The following RBFOX1 variants were observed in gnomAD, a reference collection of about 807,000 sequenced individuals.
The protein encoded by RBFOX1 is RNA binding fox-1 homolog 1, also known as RNA binding protein fox-1 homolog 1.
RBFOX1 carries 8 observed loss-of-function variants against 57.7 expected under a neutral mutation model. The ratio of observed to expected loss-of-function variants is 0.14; its 90% CI spans 0.08 to 0.25. The LOEUF is 0.25. Ranked by LOEUF, RBFOX1 falls within the 10% of genes least tolerant of loss-of-function variation. The probability of loss-of-function intolerance (pLI) is 1.00; values close to 1 mark genes in which losing one functional copy is unlikely to be tolerated. For synonymous variants in RBFOX1, 326 were observed against 222.4 expected, an observed-to-expected ratio of 1.47 and a Z score of -4.15; for missense variants, 611 against 548.5, an observed-to-expected ratio of 1.11 and a Z score of -1.14.
intron 3 of RBFOX1, among the ~76,000 whole-genome samples, chr16:6,829,607 C>A (rs1349620801): frequency 6.6e-6 from 1 of 151,038 alleles, no homozygotes; most frequent in Non-Finnish European, 1.5e-5. Flanking sequence ...TTTCTTTTTT[C>A]TTTTGTTTTT....
At chr16:5,821,288 C>CTCTTT (rs2055846836) in intron 3 of RBFOX1, among the ~76,000 whole-genome samples, 1 of 125,450 alleles carries the variant, frequency 8.0e-6, no homozygotes, top group African/African-American at 3.1e-5. Context: ...GTCATTCTCT[C>CTCTTT]TTTTTTTATT....
chr16:7,671,024 G>T (rs17144534), intron 13 of RBFOX1, among the ~76,000 whole-genome samples: 8,657 of 152,166 alleles, frequency 0.057, 444 homozygotes, highest in African/African-American at 0.13. Context: ...AGTATTAAAA[G>T]GAGCCATCGT....
chr16:5,764,239 G>C (rs1034863257), intron 3 of RBFOX1, among the ~76,000 whole-genome samples: 26 of 152,266 alleles, frequency 1.7e-4, no homozygotes, highest in Middle Eastern at 3.4e-3. Flanking sequence ...TAGATGGGCT[G>C]TTCTTAAGTT....
At chr16:7,235,811 A>T (rs1012694453) in intron 4 of RBFOX1, among the ~76,000 whole-genome samples, 1 of 152,244 alleles carries the variant, frequency 6.6e-6, no homozygotes, top group Non-Finnish European at 1.5e-5. Flanking sequence ...ACTAAAAAAT[A>T]ATGCCTTATT....
intron 2 of RBFOX1, among the ~76,000 whole-genome samples, chr16:6,524,746 G>T (rs754286062): frequency 6.6e-6 from 1 of 152,142 alleles, no homozygotes; most frequent in East Asian, 1.9e-4. Context: ...CTTGTCCACA[G>T]CCTCCGTTGG....
chr16:7,279,172 C>T (rs1189264317), intron 4 of RBFOX1, among the ~76,000 whole-genome samples: 4 of 150,844 alleles, frequency 2.7e-5, no homozygotes, highest in Admixed American at 2.6e-4. Flanking sequence ...CATGGGGGAC[C>T]CCATGCTGAG....
intron 3 of RBFOX1, among the ~76,000 whole-genome samples, chr16:5,841,118 T>C (rs1308117316): frequency 6.6e-6 from 1 of 152,204 alleles, no homozygotes; most frequent in Non-Finnish European, 1.5e-5. Context: ...ATTGAGTGAT[T>C]TCCTGGCATT....
chr16:6,213,263 C>G (rs1422871040), intron 1 of RBFOX1, among the ~76,000 whole-genome samples: 2 of 152,082 alleles, frequency 1.3e-5, no homozygotes, highest in Admixed American at 6.6e-5. Flanking sequence ...TTATTTCTTT[C>G]TAGGTGGCTT....
intron 12 of RBFOX1, 95 bp from the exon 13 acceptor site, chr16:7,664,834 T>G (rs1449961990): frequency 3.7e-6 from 6 of 1,607,006 alleles, no homozygotes; most frequent in Non-Finnish European, 5.1e-6. Flanking sequence ...TTTTGGATCT[T>G]GTGACCAGAC....
intron 1 of RBFOX1, among the ~76,000 whole-genome samples, chr16:6,263,539 T>A (rs2097714620): frequency 6.6e-6 from 1 of 152,172 alleles, no homozygotes; most frequent in Non-Finnish European, 1.5e-5. Context: ...TTTTCCAATC[T>A]GTCTTCCATT....
At chr16:5,567,608 A>G (rs1335230867) in intron 2 of RBFOX1, among the ~76,000 whole-genome samples, 3 of 132,572 alleles carry the variant, frequency 2.3e-5, no homozygotes. Context: ...AGCTTAAACC[A>G]TAGTGGGGGG....
chr16:6,788,897 C>A (rs970109028), intron 3 of RBFOX1, among the ~76,000 whole-genome samples: 5 of 152,124 alleles, frequency 3.3e-5, no homozygotes, highest in African/African-American at 1.2e-4. Context: ...TAACTCTCTG[C>A]TCTAAGAACT....
At chr16:7,452,470 G>T (rs2057553424) in intron 4 of RBFOX1, among the ~76,000 whole-genome samples, 2 of 152,166 alleles carry the variant, frequency 1.3e-5, no homozygotes, top group Admixed American at 6.5e-5. Context: ...GCAAATGCTT[G>T]TCTTTCCCAT....
At chr16:5,828,917 T>C (rs1225896328) in intron 3 of RBFOX1, among the ~76,000 whole-genome samples, 1 of 152,198 alleles carries the variant, frequency 6.6e-6, no homozygotes, top group East Asian at 1.9e-4. Context: ...ACCGTTTCAC[T>C]GTTTCTGTGG....
intron 4 of RBFOX1, among the ~76,000 whole-genome samples, chr16:7,390,898 C>A (rs948997121): frequency 6.6e-6 from 1 of 151,906 alleles, no homozygotes; most frequent in East Asian, 1.9e-4. Context: ...AGAAAAATTA[C>A]AATTATGGAA....
intron 1 of RBFOX1, among the ~76,000 whole-genome samples, chr16:6,201,206 G>A (rs143193279): frequency 2.6e-5 from 4 of 152,104 alleles, no homozygotes; most frequent in East Asian, 1.9e-4. Context: ...TCATTCCTCC[G>A]TTAGTGGACA....
intron 2 of RBFOX1, among the ~76,000 whole-genome samples, chr16:6,614,184 T>C (rs2098111967): frequency 6.6e-6 from 1 of 152,202 alleles, no homozygotes; most frequent in Non-Finnish European, 1.5e-5. Flanking sequence ...ATTCAGATCT[T>C]GTTTCTTCTA....
At chr16:6,510,362 C>T (rs1489722504) in intron 2 of RBFOX1, among the ~76,000 whole-genome samples, 2 of 152,138 alleles carry the variant, frequency 1.3e-5, no homozygotes, top group Non-Finnish European at 2.9e-5. Context: ...TGTGATGCCA[C>T]AGAAGCCAAC....
intron 3 of RBFOX1, among the ~76,000 whole-genome samples, chr16:6,679,963 A>C (rs900130659): frequency 2.3e-5 from 3 of 127,788 alleles, no homozygotes; most frequent in Non-Finnish European, 4.7e-5. Flanking sequence ...TAGTGTTTTT[A>C]TATAATCTGC....
Sources: gnomAD v4.1 joint callset for allele counts (sites outside exome capture counted in the v4.1 genomes callset) on GRCh38, gnomAD v4.1.1 for gene constraint, MANE v1.5 for transcripts, NCBI Gene and HGNC (gene_info 2026-07-23, HGNC 2026-07-21) for gene names.